SBF2: variants seen among roughly 807,000 people sequenced by gnomAD.
SBF2 encodes SET binding factor 2.
A neutral mutation model predicts 225.2 loss-of-function variants in SBF2; 112 were observed. The observed-to-expected ratio is 0.50, with a 90% CI of 0.43 to 0.58. The LOEUF is 0.58. SBF2 is among the 20% of genes least tolerant of loss of function. The pLI is 0.00. For missense variants in SBF2, 1,996 were observed against 2,206.2 expected, an observed-to-expected ratio of 0.90 and a Z score of 1.91; for synonymous variants, 763 against 773.3, an observed-to-expected ratio of 0.99 and a Z score of 0.22.
At chr11:10,197,601 C>T (rs76612856) in intron 1 of SBF2, among the ~76,000 whole-genome samples, 2,205 of 152,252 alleles carry the variant, frequency 0.014, 24 homozygotes, top group Non-Finnish European at 0.022. Context: ...TTATTGAAAA[C>T]GAGACAACAG....
At chr11:9,846,455 A>G (rs544222949) in intron 23 of SBF2, among the ~76,000 whole-genome samples, 9 of 152,302 alleles carry the variant, frequency 5.9e-5, no homozygotes, top group African/African-American at 2.2e-4. Context: ...ATTATTCAAT[A>G]ATTATTGAGT....
intron 22 of SBF2, among the ~76,000 whole-genome samples, chr11:9,848,633 TG>T (rs974434044): frequency 2.0e-5 from 3 of 152,286 alleles, no homozygotes; most frequent in Admixed American, 2.0e-4. Context: ...CCAAAATGTG[TG>T]TTTATGGCCA....
intron 16 of SBF2, among the ~76,000 whole-genome samples, chr11:9,937,583 T>C (rs1864976541): frequency 6.6e-6 from 1 of 152,174 alleles, no homozygotes; most frequent in Admixed American, 6.5e-5. Context: ...TTTATCAGAT[T>C]TTTATTTAAC....
intron 10 of SBF2, 124 bp downstream of exon 10, chr11:9,993,797 A>C: frequency 1.0e-6 from 1 of 970,646 alleles, no homozygotes; most frequent in Non-Finnish European, 1.5e-6. Context: ...CCTAATTTCT[A>C]ATTTGGGGCA....
chr11:9,938,683 C>T (rs1865056445), intron 16 of SBF2, among the ~76,000 whole-genome samples: 1 of 151,998 alleles, frequency 6.6e-6, no homozygotes, highest in Admixed American at 6.6e-5. Context: ...GCCAGAATAA[C>T]TGGCCATTCT....
intron 8 of SBF2, among the ~76,000 whole-genome samples, chr11:10,000,686 A>G (rs1947917640): frequency 6.6e-6 from 1 of 152,222 alleles, no homozygotes; most frequent in South Asian, 2.1e-4. Context: ...ATGTACCAAA[A>G]GAGGGATATT....
intron 1 of SBF2, among the ~76,000 whole-genome samples, chr11:10,279,877 C>T (rs35598338): frequency 0.27 from 41,405 of 151,964 alleles, 6,414 homozygotes; most frequent in Non-Finnish European, 0.35. Context: ...TCTCGAACTT[C>T]TGACCTCATG....
chr11:9,907,988 C>T (rs570248583), intron 16 of SBF2, among the ~76,000 whole-genome samples: 2 of 152,278 alleles, frequency 1.3e-5, no homozygotes, highest in South Asian at 4.1e-4. Flanking sequence ...TAGTCTTACT[C>T]CAGTATTTGT....
intron 1 of SBF2, among the ~76,000 whole-genome samples, chr11:10,201,121 G>A (rs1473717445): frequency 6.6e-6 from 1 of 152,022 alleles, no homozygotes; most frequent in African/African-American, 2.4e-5. Context: ...TAAAGCAAAC[G>A]CACAGCACTA....
Position 10,279,525 on chromosome 11 carries a change from CACT to C in SBF2, c.55+14487_55+14489del, listed in dbSNP as rs577560921. Among the ~76,000 whole-genome samples, 39 of 152,218 alleles carry C rather than the reference CACT, an allele frequency of 2.6e-4. 1 individual carries two copies. In the East Asian group the frequency reaches 3.7e-3, roughly 14 times the overall value. On this transcript the variant is annotated intron_variant, in intron 1 of 39. Coordinates refer to ENST00000256190, the MANE Select transcript of SBF2 (RefSeq NM_030962.4). ...CCTGAAACTTCTTGGCACATATCAC[CACT>C]ATCTTTTCCTAATACCTCCCTGTCT... is the stretch of plus-strand genomic sequence containing the variant.
chr11:10,000,992 C>A lies in SBF2; in HGVS notation c.783G>T (p.Gln261His), dbSNP rs759932929. The A allele has an allele frequency of 6.0e-5, 96 of 1,601,254 alleles. 1 individual carries two copies. The highest frequency in any genetic ancestry group is 3.9e-4 in the South Asian group (35 of 90,806). Residue 261 changes from glutamine to histidine, a missense_variant, in exon 8 of 40, where the codon CAG becomes CAT. Transcript: ENST00000256190. ...TTGGGGAACTTAGAACTTCCAGTAG[C>A]TGAGCCGGGAGAATAGGGATATAAG... ...SYPYIPILPA[Q>H]LLEVLSSPTP... is the part of the protein sequence containing the mutation.
intron 2 of SBF2, among the ~76,000 whole-genome samples, chr11:10,147,916 G>A (rs1388655884): frequency 1.3e-5 from 2 of 152,036 alleles, no homozygotes; most frequent in East Asian, 3.9e-4. Flanking sequence ...ACTTATAAAT[G>A]TTCTCAGCTT....
chr11:10,156,186 A>T (rs1292513931), intron 2 of SBF2, among the ~76,000 whole-genome samples: 1 of 152,196 alleles, frequency 6.6e-6, no homozygotes, highest in Non-Finnish European at 1.5e-5. Context: ...GCTGTGGCTG[A>T]GCCTGGATGC....
At chr11:10,077,020 A>G (rs1447174364) in intron 2 of SBF2, among the ~76,000 whole-genome samples, 1 of 152,042 alleles carries the variant, frequency 6.6e-6, no homozygotes, top group Non-Finnish European at 1.5e-5. Context: ...AAGGTCAAGC[A>G]TATTGCCACC....
chr11:10,172,965 G>T (rs563508601), intron 2 of SBF2, among the ~76,000 whole-genome samples: 9 of 152,252 alleles, frequency 5.9e-5, no homozygotes, highest in South Asian at 4.1e-4. Context: ...AGCGTGCCTG[G>T]CCTTAATTTC....
At chr11:10,174,769 C>T (rs7939531) in intron 2 of SBF2, among the ~76,000 whole-genome samples, 3 of 151,822 alleles carry the variant, frequency 2.0e-5, no homozygotes, top group African/African-American at 7.3e-5. Flanking sequence ...GAGAAAGGTC[C>T]GGTTACCCAC....
chr11:9,854,386 A>G (rs1001922762), intron 19 of SBF2, among the ~76,000 whole-genome samples: 1 of 152,180 alleles, frequency 6.6e-6, no homozygotes, highest in African/African-American at 2.4e-5. Context: ...TTGCTTATTC[A>G]GCTCTTACTG....
At chr11:9,952,868 T>C (rs887326821) in intron 16 of SBF2, among the ~76,000 whole-genome samples, 1 of 152,152 alleles carries the variant, frequency 6.6e-6, no homozygotes, top group Non-Finnish European at 1.5e-5. Context: ...AGAATGGCCA[T>C]AATCAAAAAA....
chr11:9,985,215 A>G (rs941481243), intron 13 of SBF2, among the ~76,000 whole-genome samples: 6 of 152,222 alleles, frequency 3.9e-5, no homozygotes, highest in African/African-American at 7.2e-5. Context: ...GACTCACCTA[A>G]CATACATAAC....
Sources: gnomAD v4.1 joint callset for allele counts (sites outside exome capture counted in the v4.1 genomes callset) on GRCh38, gnomAD v4.1.1 for gene constraint, MANE v1.5 for transcripts, NCBI Gene and HGNC (gene_info 2026-07-23, HGNC 2026-07-21) for gene names.